The following ASF1B variants were observed in gnomAD, a reference collection of about 807,000 sequenced individuals.
ASF1B encodes the protein anti-silencing function 1B histone chaperone.
Under a neutral mutation model 16.6 loss-of-function variants are expected in ASF1B, and 10 were observed. That is an observed-to-expected ratio of 0.60 (90% confidence interval 0.37 to 1.02). The LOEUF is 1.02. Among genes scored for constraint, ASF1B ranks in the 50% least tolerant of loss-of-function variants. The probability of loss-of-function intolerance (pLI) is 0.01; values close to 1 mark genes in which losing one functional copy is unlikely to be tolerated. For synonymous variants in ASF1B, 101 were observed against 106.2 expected (o/e 0.95, Z 0.30); for missense variants, 240 against 266.0 (o/e 0.90, Z 0.68).
intron 1 of ASF1B, among the ~76,000 whole-genome samples, chr19:14,134,998 T>G (rs1404434604): frequency 1.3e-5 from 2 of 148,300 alleles, no homozygotes; most frequent in Non-Finnish European, 3.0e-5. Context: ...CCAAGGCGGG[T>G]GGATCACTTG....
In ASF1B at chr19:14,126,178, G is replaced by A. The variant is rs1967314944; in HGVS notation, c.169C>T (p.Leu57=). 6.2e-7 allele frequency: 1 copy of A among 1,613,094 alleles called. No individual in the cohort carries two copies. Among genetic ancestry groups the A allele is most frequent in the Non-Finnish European group, 8.5e-7 (1 of 1,179,728 alleles). ...ACAGGGCCCACCAGCACCGAGTCTA[G>A]GATCTGATCAAATTCCTCACTCTCA... ...SAESEEFDQI[L]DSVLVGPVPA... The change falls in exon 2 of 4, where the codon CTA becomes TTA. Residue 57 remains leucine, a synonymous_variant. Transcript: ENST00000263382.
Position 14,136,505 on chromosome 19 carries a change from G to A in ASF1B, c.-49C>T, listed in dbSNP as rs1292699179. 6.4e-7 allele frequency: 1 copy of A among 1,566,852 alleles called. No homozygotes were observed. The highest frequency in any genetic ancestry group is 8.7e-7 in the Non-Finnish European group (1 of 1,146,212). On this transcript the variant is annotated 5_prime_UTR_variant, in exon 1 of 4. Transcript: ENST00000263382. Reference sequence around the variant, plus strand: ...CAGGGGCAGGGGCTGTGGCTGTGGCGGAGGCCGCGCCTGGGTCCGGTGGGG... The same window carrying A: ...CAGGGGCAGGGGCTGTGGCTGTGGCAGAGGCCGCGCCTGGGTCCGGTGGGG...
intron 1 of ASF1B, among the ~76,000 whole-genome samples, chr19:14,126,645 T>A (rs1217315830): frequency 1.3e-5 from 2 of 152,144 alleles, no homozygotes; most frequent in Non-Finnish European, 2.9e-5. Flanking sequence ...CTAATTTTTT[T>A]ATTTTTAGTA....
chr19:14,129,768 G>C (rs1967373019), intron 1 of ASF1B, among the ~76,000 whole-genome samples: 1 of 148,050 alleles, frequency 6.8e-6, no homozygotes, highest in Non-Finnish European at 1.5e-5. Context: ...GCCAGGTGAG[G>C]TGGATCATTG....
chr19:14,132,175 G>C (rs1967415926), intron 1 of ASF1B, among the ~76,000 whole-genome samples: 1 of 151,880 alleles, frequency 6.6e-6, no homozygotes, highest in Non-Finnish European at 1.5e-5. Flanking sequence ...CCACAGACAC[G>C]TGCCACCAAG....
intron 1 of ASF1B, among the ~76,000 whole-genome samples, chr19:14,130,780 T>A (rs1967390093): frequency 8.3e-6 from 1 of 121,086 alleles, no homozygotes; most frequent in African/African-American, 3.1e-5. Context: ...CCACTGTGTG[T>A]TTGTGTGTAT....
intron 2 of ASF1B, among the ~76,000 whole-genome samples, chr19:14,122,206 C>T (rs376362470): frequency 5.3e-5 from 8 of 152,142 alleles, no homozygotes; most frequent in African/African-American, 1.9e-4. Flanking sequence ...GTTGGGATTA[C>T]AGGTGTGAGC....
At chr19:14,121,072 C>T (rs558506392) in intron 3 of ASF1B, among the ~76,000 whole-genome samples, 171 of 151,676 alleles carry the variant, frequency 1.1e-3, no homozygotes, top group Non-Finnish European at 1.8e-3. Flanking sequence ...CCTACAGCCT[C>T]GGCCTCCCAA....
rs1217228225 is a variant in ASF1B, at chr19:14,132,100, T to A, written c.109+4248A>T. Reference sequence around the variant, plus strand: ...TGGAGTGCAGTGGTGCAATCATGGCTCACTGCAGCCCTGACCTCCTGGGCT... The same window carrying A: ...TGGAGTGCAGTGGTGCAATCATGGCACACTGCAGCCCTGACCTCCTGGGCT... On this transcript the variant is annotated intron_variant, in intron 1 of 3. Transcript: ENST00000263382. Among the ~76,000 whole-genome samples, 3 of 147,738 alleles carry A rather than the reference T, an allele frequency of 2.0e-5. No individual in the cohort carries two copies. The East Asian group carries it at 6.2e-4, about 30-fold the overall frequency.
chr19:14,126,214 C>T lies in ASF1B; in HGVS notation c.133G>A (p.Val45Ile), dbSNP rs1568544633. 1 of 1,613,058 alleles carries T rather than the reference C, an allele frequency of 6.2e-7. No individual in the cohort carries two copies. The highest frequency in any genetic ancestry group is 1.3e-5 in the African/African-American group (1 of 74,914). ...ADDLEWKIIY[V>I]GSAESEEFDQ... is the part of the protein sequence containing the mutation. ...AATTCCTCACTCTCAGCCGAGCCAA[C>T]ATAAATGATCTTCCACTCCAGGTCT... Residue 45 changes from valine (V) to isoleucine (I), a missense_variant, in exon 2 of 4, where the codon GTT becomes ATT. Transcript: ENST00000263382.
chr19:14,130,787 GTATATATA>G (rs61351900), intron 1 of ASF1B, among the ~76,000 whole-genome samples: 1 of 142,438 alleles, frequency 7.0e-6, no homozygotes, highest in African/African-American at 2.6e-5. Flanking sequence ...GTGTTTGTGT[GTATATATA>G]TATATATATA....
At chr19:14,125,836 A>T (rs980021227) in intron 2 of ASF1B, among the ~76,000 whole-genome samples, 1 of 152,090 alleles carries the variant, frequency 6.6e-6, no homozygotes, top group Non-Finnish European at 1.5e-5. Context: ...TACAGGTGTG[A>T]GCAACTGTGC....
Position 14,120,566 on chromosome 19 carries a change from G to A in ASF1B, c.502C>T (p.Pro168Ser), listed in dbSNP as rs565977296. 4 of 1,613,864 alleles carry A rather than the reference G, an allele frequency of 2.5e-6. No individual in the cohort carries two copies. The highest frequency in any genetic ancestry group is 1.7e-5 in the Admixed American group (1 of 59,974). Residue 168 changes from proline (P) to serine (S), a missense_variant, in exon 4 of 4, where the codon CCC becomes TCC. Transcript: ENST00000263382. Reference sequence around the variant, plus strand: ...AGTGGGAGGCCGCAGCCCAGGGAGGGGTCCTGGGTCTCTATGGCCTCCAGC... The same window carrying A: ...AGTGGGAGGCCGCAGCCCAGGGAGGAGTCCTGGGTCTCTATGGCCTCCAGC... ...DRLEAIETQDPSLGCGLPLNC... is the reference protein window; with the variant it reads ...DRLEAIETQDSSLGCGLPLNC...
chr19:14,129,259 A>G (rs1967362361), intron 1 of ASF1B, among the ~76,000 whole-genome samples: 1 of 152,070 alleles, frequency 6.6e-6, no homozygotes, highest in Non-Finnish European at 1.5e-5. Context: ...CAAAGGAAAA[A>G]AAAGAAAAAG....
chr19:14,120,448 G>A lies in ASF1B; in HGVS notation c.*11C>T. On this transcript the variant is annotated 3_prime_UTR_variant, in exon 4 of 4. Transcript: ENST00000263382. Reference sequence around the variant, plus strand: ...CCTCCCGGCGTGCTGGGACACTCTGGGTTCCTGCAGTTAGATGCAGTCCAT... The same window carrying A: ...CCTCCCGGCGTGCTGGGACACTCTGAGTTCCTGCAGTTAGATGCAGTCCAT... The A allele has an allele frequency of 6.2e-7, 1 of 1,612,138 alleles. No homozygotes were observed. The highest frequency in any genetic ancestry group is 1.3e-5 in the African/African-American group (1 of 74,946).
In ASF1B at chr19:14,125,164, A is replaced by G. The variant is rs146186583; in HGVS notation, c.225+958T>C. ...GTATTTTTAGTAGAGACGGGGTTTCATCACATTGGCCAGGCTGGTCTTGAA... is the reference window on the plus strand; with the variant it reads ...GTATTTTTAGTAGAGACGGGGTTTCGTCACATTGGCCAGGCTGGTCTTGAA... On this transcript the variant is annotated intron_variant, in intron 2 of 3. Coordinates refer to ENST00000263382, the MANE Select transcript of ASF1B (RefSeq NM_018154.3). Among the ~76,000 whole-genome samples the G allele has an allele frequency of 8.2e-3, 1,241 of 152,194 alleles. 8 individuals carry two copies. The highest frequency in any genetic ancestry group is 0.011 in the Non-Finnish European group (770 of 67,990).
In ASF1B at chr19:14,120,421, C is replaced by T; in HGVS notation, c.*38G>A. 6.2e-7 allele frequency: 1 copy of T among 1,601,044 alleles called. No homozygotes were observed. Among genetic ancestry groups the T allele is most frequent in the Non-Finnish European group, 8.5e-7 (1 of 1,172,274 alleles). ...CAGGACTCGCTGGGAGGCCTGGTTG[C>T]CCCTCCCGGCGTGCTGGGACACTCT... On this transcript the variant is annotated 3_prime_UTR_variant, in exon 4 of 4. Coordinates refer to ENST00000263382, the MANE Select transcript of ASF1B (RefSeq NM_018154.3).
At position 14,121,667 on chromosome 19, in the gene ASF1B, G is replaced by T; in HGVS notation, c.267C>A (p.Ala89=). Reference sequence around the variant, plus strand: ...TGATGAGGACCACAGTCACACCCACGGCATCAGTCTCTGGGATGAGGGATG... The same window carrying T: ...TGATGAGGACCACAGTCACACCCACTGCATCAGTCTCTGGGATGAGGGATG... ...PNPSLIPETD[A]VGVTVVLITC... is the part of the protein sequence containing the mutation. The change falls in exon 3 of 4, where the codon GCC becomes GCA. Residue 89 remains alanine (A), a synonymous_variant. Transcript: ENST00000263382. The T allele has an allele frequency of 6.2e-7, 1 of 1,613,928 alleles. No individual in the cohort carries two copies.
chr19:14,129,026 A>G (rs1232483538), intron 1 of ASF1B, among the ~76,000 whole-genome samples: 1 of 152,188 alleles, frequency 6.6e-6, no homozygotes, highest in East Asian at 1.9e-4. Flanking sequence ...AAACCTAAAC[A>G]AAGAGCATGT....
Sources: gnomAD v4.1 joint callset for allele counts (sites outside exome capture counted in the v4.1 genomes callset) on GRCh38, gnomAD v4.1.1 for gene constraint, MANE v1.5 for transcripts, NCBI Gene and HGNC (gene_info 2026-07-23, HGNC 2026-07-21) for gene names.